Variants in NEK11 observed in about 807,000 individuals in gnomAD.
The protein encoded by NEK11 is NIMA related kinase 11, also known as serine/threonine-protein kinase Nek11.
NEK11 carries 72 observed loss-of-function variants against 80.7 expected under a neutral mutation model. That is an observed-to-expected ratio of 0.89 (90% CI 0.74 to 1.08). The LOEUF (loss-of-function observed/expected upper bound fraction) is 1.08, where lower values mean the gene tolerates loss of function less well. NEK11 is among the 50% of genes least tolerant of loss of function. The pLI is 0.00. For missense variants in NEK11, 764 were observed against 763.6 expected, an observed-to-expected ratio of 1.00 and a Z score of -0.01; for synonymous variants, 251 against 260.7, an observed-to-expected ratio of 0.96 and a Z score of 0.36.
At chr3:131,203,795 A>AGT (rs1560950234) in intron 14 of NEK11, among the ~76,000 whole-genome samples, 1 of 9,796 alleles carries the variant, frequency 1.0e-4, no homozygotes. Context: ...ATATATATAT[A>AGT]TATATATATA....
intron 4 of NEK11, among the ~76,000 whole-genome samples, chr3:131,091,479 T>C (rs1274164918): frequency 1.3e-5 from 2 of 152,192 alleles, no homozygotes; most frequent in African/African-American, 4.8e-5. Flanking sequence ...ACTTGAAAGA[T>C]TGTAAGCAGG....
chr3:131,140,889 C>T (rs888083830), intron 7 of NEK11, among the ~76,000 whole-genome samples: 2 of 152,082 alleles, frequency 1.3e-5, no homozygotes, highest in African/African-American at 4.8e-5. Flanking sequence ...CAACGTCACC[C>T]CTAGCACTGG....
At chr3:131,246,465 G>A (rs1216681640) in intron 16 of NEK11, among the ~76,000 whole-genome samples, 2 of 152,088 alleles carry the variant, frequency 1.3e-5, no homozygotes, top group African/African-American at 2.4e-5. Context: ...GTATTCCGTG[G>A]TGTGTGTACC....
chr3:131,348,370 G>A (rs567826459), intron 17 of NEK11, among the ~76,000 whole-genome samples: 2 of 152,100 alleles, frequency 1.3e-5, no homozygotes, highest in Admixed American at 6.5e-5. Flanking sequence ...GTGAAGAACC[G>A]CAAAACAAAA....
intron 5 of NEK11, among the ~76,000 whole-genome samples, chr3:131,124,257 GA>G (rs2082901656): frequency 6.6e-6 from 1 of 152,162 alleles, no homozygotes; most frequent in Admixed American, 6.6e-5. Flanking sequence ...ACATGGAAGA[GA>G]CAAAAGATAT....
intron 16 of NEK11, among the ~76,000 whole-genome samples, chr3:131,255,032 A>AAGAGAGAG (rs754846820): frequency 1.0e-4 from 13 of 130,254 alleles, no homozygotes; most frequent in Middle Eastern, 3.8e-3. Context: ...GAAAGAAAGA[A>AAGAGAGAG]AGAGAGAGAG....
At chr3:131,119,611 C>G (rs2082005935) in intron 5 of NEK11, among the ~76,000 whole-genome samples, 1 of 152,102 alleles carries the variant, frequency 6.6e-6, no homozygotes, top group Non-Finnish European at 1.5e-5. Flanking sequence ...GTCTAAGTCT[C>G]TTTGTAGGTC....
intron 14 of NEK11, chr3:131,174,671 T>A: frequency 7.7e-7 from 1 of 1,301,008 alleles, no homozygotes; most frequent in Non-Finnish European, 1.1e-6. Flanking sequence ...TATCCCCATT[T>A]AACTTCTTAT....
At chr3:131,303,830 G>A (rs2096690966) in intron 17 of NEK11, among the ~76,000 whole-genome samples, 1 of 152,018 alleles carries the variant, frequency 6.6e-6, no homozygotes, top group Admixed American at 6.6e-5. Context: ...TGTGTCTTGG[G>A]GATGCTCATC....
At chr3:131,101,648 A>G (rs1196741031) in intron 4 of NEK11, among the ~76,000 whole-genome samples, 1 of 152,244 alleles carries the variant, frequency 6.6e-6, no homozygotes, top group East Asian at 1.9e-4. Context: ...ATGACCAAGC[A>G]TGAGTTCGAT....
At chr3:131,124,795 T>C (rs373460568) in intron 5 of NEK11, among the ~76,000 whole-genome samples, 12 of 152,320 alleles carry the variant, frequency 7.9e-5, no homozygotes, top group Non-Finnish European at 1.5e-4. Flanking sequence ...AAAATAGTTA[T>C]TAAATAGCAA....
At chr3:131,168,979 T>G in intron 13 of NEK11, 42 bp downstream of exon 13, 1 of 1,465,934 alleles carries the variant, frequency 6.8e-7, no homozygotes, top group Non-Finnish European at 9.5e-7. Flanking sequence ...TGAGGCAGGT[T>G]TAATGATATC....
intron 3 of NEK11, among the ~76,000 whole-genome samples, chr3:131,064,164 G>A (rs1258777539): frequency 1.3e-5 from 2 of 152,306 alleles, no homozygotes; most frequent in South Asian, 2.1e-4. Context: ...AGGGGCTATG[G>A]AGAGTGGGAA....
intron 3 of NEK11, among the ~76,000 whole-genome samples, chr3:131,069,521 T>C (rs985974999): frequency 2.0e-5 from 3 of 152,120 alleles, no homozygotes; most frequent in Admixed American, 2.0e-4. Flanking sequence ...TAAAGACGCA[T>C]GCACACGTAT....
chr3:131,183,499 T>A (rs1373269143), intron 14 of NEK11, among the ~76,000 whole-genome samples: 1 of 152,200 alleles, frequency 6.6e-6, no homozygotes, highest in Non-Finnish European at 1.5e-5. Flanking sequence ...TGTGTTCTCA[T>A]TGCTCAGCTC....
At chr3:131,245,392 A>G (rs1247227850) in intron 16 of NEK11, among the ~76,000 whole-genome samples, 1 of 151,968 alleles carries the variant, frequency 6.6e-6, no homozygotes, top group African/African-American at 2.4e-5. Flanking sequence ...TGTTGTGAAT[A>G]GTGCTGCAAT....
chr3:131,039,483 G>A (rs1046007955), intron 3 of NEK11, among the ~76,000 whole-genome samples: 1 of 152,188 alleles, frequency 6.6e-6, no homozygotes, highest in Non-Finnish European at 1.5e-5. Flanking sequence ...CTGGCAGACA[G>A]CAGGCAGTTC....
At chr3:131,340,694 G>A (rs1406580244) in intron 17 of NEK11, among the ~76,000 whole-genome samples, 1 of 152,102 alleles carries the variant, frequency 6.6e-6, no homozygotes, top group Non-Finnish European at 1.5e-5. Context: ...CCTTCCTTCA[G>A]GACTCCTGTG....
intron 4 of NEK11, among the ~76,000 whole-genome samples, chr3:131,096,606 T>G (rs1232446921): frequency 6.6e-6 from 1 of 152,190 alleles, no homozygotes; most frequent in Non-Finnish European, 1.5e-5. Context: ...ATCTCTAAAC[T>G]GCTTTCCACA....
Sources: allele counts gnomAD v4.1 joint callset (sites outside exome capture counted in the v4.1 genomes callset), GRCh38; gene constraint gnomAD v4.1.1; transcripts MANE v1.5; gene names NCBI Gene and HGNC (gene_info 2026-07-23, HGNC 2026-07-21).